The following TANC2 variants were observed in gnomAD, a reference collection of about 807,000 sequenced individuals.
TANC2 encodes protein TANC2.
A neutral mutation model predicts 210.5 loss-of-function variants in TANC2; 26 were observed. The ratio of observed to expected loss-of-function variants is 0.12; its 90% CI spans 0.09 to 0.17. The LOEUF is 0.17. TANC2 is among the 10% of genes least tolerant of loss of function. The pLI is 1.00. For synonymous variants in TANC2, 931 were observed against 967.1 expected (o/e 0.96, Z 0.69); for missense variants, 2,129 against 2,608.9 (o/e 0.82, Z 4.01).
chr17:63,013,604 A>G (rs146660781), intron 2 of TANC2, among the ~76,000 whole-genome samples: 218 of 152,212 alleles, frequency 1.4e-3, no homozygotes, highest in African/African-American at 5.1e-3. Flanking sequence ...TCTATTAAAA[A>G]TGCATAAATT....
chr17:63,312,085 T>C (rs1284349913), intron 9 of TANC2, among the ~76,000 whole-genome samples: 2 of 152,186 alleles, frequency 1.3e-5, no homozygotes, highest in Non-Finnish European at 2.9e-5. Flanking sequence ...AATTTTATGG[T>C]TTGTGAATTA....
chr17:63,046,166 CTTT>C (rs916550482), intron 2 of TANC2, among the ~76,000 whole-genome samples: 1 of 143,928 alleles, frequency 6.9e-6, no homozygotes, highest in African/African-American at 2.5e-5. Flanking sequence ...TTATTAAATT[CTTT>C]TTTTTTTTGA....
intron 2 of TANC2, among the ~76,000 whole-genome samples, chr17:63,034,337 G>A (rs1598289842): frequency 6.6e-6 from 1 of 152,178 alleles, no homozygotes; most frequent in Non-Finnish European, 1.5e-5. Context: ...ATGACAGCAT[G>A]TCTGTTTATA....
chr17:63,185,005 C>T (rs919747117), intron 5 of TANC2, among the ~76,000 whole-genome samples: 5 of 149,066 alleles, frequency 3.4e-5, no homozygotes, highest in Non-Finnish European at 7.4e-5. Context: ...GGGTTGGGGA[C>T]AGAGTGTGAG....
intron 14 of TANC2, among the ~76,000 whole-genome samples, chr17:63,366,344 T>TCTG (rs1317468437): frequency 6.6e-6 from 1 of 152,230 alleles, no homozygotes; most frequent in African/African-American, 2.4e-5. Context: ...GGTTAGTGTT[T>TCTG]TTAACAGACA....
At chr17:63,176,293 A>G (rs987397792) in intron 5 of TANC2, among the ~76,000 whole-genome samples, 2 of 152,234 alleles carry the variant, frequency 1.3e-5, no homozygotes, top group Non-Finnish European at 2.9e-5. Context: ...AAACAATACA[A>G]TGTTTATCAG....
At chr17:63,091,949 T>C (rs1179169306) in intron 3 of TANC2, among the ~76,000 whole-genome samples, 1 of 152,214 alleles carries the variant, frequency 6.6e-6, no homozygotes, top group Non-Finnish European at 1.5e-5. Context: ...GTTGGATTCC[T>C]AGGTATTTTA....
chr17:63,279,916 T>C (rs2044009155), intron 9 of TANC2, among the ~76,000 whole-genome samples: 3 of 152,110 alleles, frequency 2.0e-5, no homozygotes, highest in African/African-American at 7.2e-5. Flanking sequence ...CCTGACTTCA[T>C]TGACCCTGTT....
intron 1 of TANC2, among the ~76,000 whole-genome samples, chr17:62,973,373 A>ATT (rs1452364041): frequency 6.6e-6 from 1 of 152,148 alleles, no homozygotes; most frequent in Non-Finnish European, 1.5e-5. Context: ...TTCATCACTA[A>ATT]TGTGTGAGCT....
intron 7 of TANC2, among the ~76,000 whole-genome samples, chr17:63,209,552 G>A (rs1287641443): frequency 6.6e-6 from 1 of 152,144 alleles, no homozygotes; most frequent in Non-Finnish European, 1.5e-5. Context: ...TCCTGCCTCA[G>A]CCTCCCGAGT....
intron 19 of TANC2, 114 bp from the exon 20 acceptor site, chr17:63,405,008 C>T: frequency 8.1e-7 from 1 of 1,239,978 alleles, no homozygotes; most frequent in East Asian, 2.7e-5. Context: ...AATCATTATT[C>T]TTAGAAGTAA....
rs915931496 is a variant in TANC2 at position 63,222,750 on chromosome 17, T to C, written c.770-15064T>C. On this transcript the variant is annotated intron_variant, in intron 7 of 27. Transcript: ENST00000689528. ...ACACACACACACACACACACACACA[T>C]ACACACTAGCATGACACAGCTATTT... 1.5e-3 allele frequency among the ~76,000 whole-genome samples: 212 copies of C among 144,890 alleles called. 1 individual carries two copies. Among genetic ancestry groups the C allele is most frequent in the African/African-American group, 5.2e-3 (191 of 37,052 alleles).
At chr17:63,165,185 G>T (rs2145515347) in intron 5 of TANC2, among the ~76,000 whole-genome samples, 1 of 152,046 alleles carries the variant, frequency 6.6e-6, no homozygotes, top group East Asian at 1.9e-4. Context: ...GAGGCAGGAG[G>T]AACGCTTCAG....
chr17:63,048,405 A>T (rs2035459142), intron 2 of TANC2, among the ~76,000 whole-genome samples: 1 of 152,192 alleles, frequency 6.6e-6, no homozygotes, highest in African/African-American at 2.4e-5. Flanking sequence ...CTAGCTCTAG[A>T]CCTGGAATTA....
intron 3 of TANC2, among the ~76,000 whole-genome samples, chr17:63,075,293 T>C (rs2036532205): frequency 6.6e-6 from 1 of 152,182 alleles, no homozygotes; most frequent in South Asian, 2.1e-4. Context: ...TTATCTAATT[T>C]ACTCTGAGCT....
At chr17:63,210,572 C>G (rs1322533609) in intron 7 of TANC2, among the ~76,000 whole-genome samples, 2 of 152,056 alleles carry the variant, frequency 1.3e-5, no homozygotes, top group African/African-American at 4.8e-5. Context: ...AGCATAATAT[C>G]TAAATTGTGG....
chr17:62,984,315 ATATCT>A (rs1188570680), intron 1 of TANC2, among the ~76,000 whole-genome samples: 1 of 151,870 alleles, frequency 6.6e-6, no homozygotes, highest in Non-Finnish European at 1.5e-5. Flanking sequence ...ATCCATTGTG[ATATCT>A]TCTCTTTCAT....
intron 1 of TANC2, among the ~76,000 whole-genome samples, chr17:63,001,640 G>A (rs954642934): frequency 1.3e-5 from 2 of 151,042 alleles, no homozygotes; most frequent in African/African-American, 4.9e-5. Context: ...TGCCATCCGG[G>A]TTCAAGCGAT....
chr17:63,357,629 G>A (rs950422676), intron 14 of TANC2, among the ~76,000 whole-genome samples: 21 of 152,218 alleles, frequency 1.4e-4, no homozygotes, highest in African/African-American at 5.1e-4. Flanking sequence ...CCCCAGCAAT[G>A]GCTGGCACCA....
Sources: allele counts gnomAD v4.1 joint callset (sites outside exome capture counted in the v4.1 genomes callset), GRCh38; gene constraint gnomAD v4.1.1; transcripts MANE v1.5; gene names NCBI Gene and HGNC (gene_info 2026-07-23, HGNC 2026-07-21).